RYR2: variants seen among roughly 807,000 people sequenced by gnomAD.
RYR2 encodes the protein ryanodine receptor 2.
RYR2 carries 227 observed loss-of-function variants against 601.1 expected under a neutral mutation model. That is an observed-to-expected ratio of 0.38 (90% CI 0.34 to 0.42). RYR2 has a LOEUF of 0.42. Ranked by LOEUF, RYR2 falls within the 10% of genes least tolerant of loss-of-function variation. RYR2 has a pLI of 1.00. For missense variants in RYR2, 4,646 were observed against 6,156.5 expected, an observed-to-expected ratio of 0.75 and a Z score of 8.21; for synonymous variants, 2,223 against 2,175.1, an observed-to-expected ratio of 1.02 and a Z score of -0.61.
chr1:237,543,933 T>A (rs1310192610), intron 25 of RYR2, among the ~76,000 whole-genome samples: 1 of 152,154 alleles, frequency 6.6e-6, no homozygotes, highest in Non-Finnish European at 1.5e-5. Flanking sequence ...TGTCAATTTT[T>A]TGTTTATATC....
intron 79 of RYR2, among the ~76,000 whole-genome samples, chr1:237,738,780 G>T (rs1267664214): frequency 6.6e-6 from 1 of 151,994 alleles, no homozygotes; most frequent in Non-Finnish European, 1.5e-5. Context: ...TCACCTCTGT[G>T]TTTTTGCTAA....
intron 27 of RYR2, among the ~76,000 whole-genome samples, chr1:237,563,126 G>A (rs1671617703): frequency 6.6e-6 from 1 of 152,006 alleles, no homozygotes; most frequent in Non-Finnish European, 1.5e-5. Context: ...TATACTATGG[G>A]GCAGGGCACA....
Position 237,614,785 on chromosome 1 carries a change from G to A in RYR2, c.5657G>A (p.Gly1886Asp). ...QGAGEEEAKGGKRPKEGLLQM... is the reference protein window; with the variant it reads ...QGAGEEEAKGDKRPKEGLLQM... ...GCTGGTGAGGAAGAAGCCAAGGGGG[G>A]CAAGCGGCCCAAGGAAGGCCTGCTC... Residue 1886 changes from glycine (G) to aspartate (D), a missense_variant, in exon 37 of 105, where the codon GGC (glycine) becomes GAC (aspartate). By Grantham distance (94) the Gly-to-Asp change is moderately conservative. Coordinates refer to ENST00000366574, the MANE Select transcript of RYR2 (RefSeq NM_001035.3). This position sits in a 1 kb window ranked among gnomAD's most constrained non-coding sequence, Gnocchi z 4.3. 1 of 1,609,082 alleles carries A rather than the reference G, an allele frequency of 6.2e-7. No individual in the cohort carries two copies. The highest frequency in any genetic ancestry group is 8.5e-7 in the Non-Finnish European group (1 of 1,176,582).
intron 6 of RYR2, 90 bp from the exon 7 acceptor site, chr1:237,374,627 C>A (rs988989599): frequency 6.9e-5 from 75 of 1,083,574 alleles, no homozygotes; most frequent in Admixed American, 1.0e-4. Flanking sequence ...CACTGCACTT[C>A]CAGCCTGAGC....
intron 1 of RYR2, among the ~76,000 whole-genome samples, chr1:237,082,041 G>C (rs991560418): frequency 6.6e-6 from 1 of 152,168 alleles, no homozygotes; most frequent in Non-Finnish European, 1.5e-5. Flanking sequence ...CTGTCCTAGT[G>C]ACACCCTGTG....
intron 1 of RYR2, among the ~76,000 whole-genome samples, chr1:237,114,372 C>T (rs1321387751): frequency 2.0e-5 from 3 of 152,082 alleles, no homozygotes; most frequent in Non-Finnish European, 4.4e-5. Context: ...TTTTTATTGA[C>T]AAGACATTGT....
At chr1:237,291,841 T>TA (rs1692231369) in intron 2 of RYR2, among the ~76,000 whole-genome samples, 1 of 152,170 alleles carries the variant, frequency 6.6e-6, no homozygotes, top group Non-Finnish European at 1.5e-5. Flanking sequence ...CAGTGGTGGT[T>TA]ATGTCATTAT....
At chr1:237,326,182 T>A (rs1217316527) in intron 2 of RYR2, among the ~76,000 whole-genome samples, 1 of 152,096 alleles carries the variant, frequency 6.6e-6, no homozygotes, top group East Asian at 1.9e-4. Context: ...CAAAGCCAGA[T>A]GCTGCTTTGT....
In RYR2 at chr1:237,221,927, AT is replaced by A. The variant is rs531877939; in HGVS notation, c.49-48561del. On this transcript the variant is annotated intron_variant, in intron 1 of 104. Coordinates refer to ENST00000366574, the MANE Select transcript of RYR2 (RefSeq NM_001035.3). Reference sequence around the variant, plus strand: ...ACTGAATGGCTAGTGACTATGTCCTATTTTTTTTTAAGACAGAAATATGTGA... The same window carrying A: ...ACTGAATGGCTAGTGACTATGTCCTATTTTTTTTAAGACAGAAATATGTGA... 3.3e-5 allele frequency among the ~76,000 whole-genome samples: 5 copies of A among 150,964 alleles called. No individual in the cohort carries two copies. The East Asian group carries it at 5.8e-4, about 18-fold the overall frequency.
chr1:237,104,838 G>A (rs939140783), intron 1 of RYR2, among the ~76,000 whole-genome samples: 6 of 152,212 alleles, frequency 3.9e-5, no homozygotes, highest in Non-Finnish European at 5.9e-5. Context: ...TGCGTGGCAG[G>A]CCCTCTGTAC....
At chr1:237,693,678 G>A (rs574510543) in intron 63 of RYR2, among the ~76,000 whole-genome samples, 5 of 152,092 alleles carry the variant, frequency 3.3e-5, no homozygotes, top group Admixed American at 2.6e-4. Flanking sequence ...AGTAGCTGTT[G>A]TTAAAATATT....
intron 6 of RYR2, among the ~76,000 whole-genome samples, chr1:237,373,162 G>A (rs1192023395): frequency 6.6e-6 from 1 of 152,152 alleles, no homozygotes; most frequent in Non-Finnish European, 1.5e-5. Context: ...TATATTTAAA[G>A]TCTATAAACA....
rs2148574319 is a variant in RYR2, at chr1:237,610,966, C to G, written c.4888C>G (p.Leu1630Val). Residue 1630 changes from leucine to valine, a missense_variant, in exon 36 of 105, where the codon CTT becomes GTT. Physicochemically the swap from Leu to Val is conservative, Grantham distance 32 (BLOSUM62 1). Around this residue, in one of 17 missense-constraint regions of RYR2, gnomAD observed 1,807 missense variants for 2,088.1 expected, o/e 0.87. Transcript: ENST00000366574. The surrounding 1 kb of genome is among the most constrained non-coding windows in gnomAD (Gnocchi z 4.9). ...TTTGGATCCTCTGCAGTTCATGTCT[C>G]TTCATATCCCTGAGGAAAACAGGTC... is the stretch of plus-strand genomic sequence containing the variant. ...QCLDPLQFMS[L>V]HIPEENRSVD... 2.5e-6 allele frequency: 4 copies of G among 1,612,878 alleles called. No homozygotes were observed. The highest frequency in any genetic ancestry group is 1.7e-4 in the Middle Eastern group (1 of 6,056).
At chr1:237,399,402 G>A (rs1421991007) in intron 10 of RYR2, among the ~76,000 whole-genome samples, 2 of 152,068 alleles carry the variant, frequency 1.3e-5, no homozygotes, top group African/African-American at 4.8e-5. Context: ...ATGAGAGGGA[G>A]GTGGATGTGG....
chr1:237,133,771 C>A (rs1220217558), intron 1 of RYR2, among the ~76,000 whole-genome samples: 2 of 151,786 alleles, frequency 1.3e-5, no homozygotes, highest in Non-Finnish European at 2.9e-5. Flanking sequence ...ACTAAAAATA[C>A]AAAATTAGCT....
At chr1:237,145,663 A>G (rs1221421301) in intron 1 of RYR2, among the ~76,000 whole-genome samples, 2 of 152,156 alleles carry the variant, frequency 1.3e-5, no homozygotes, top group East Asian at 3.8e-4. Context: ...TTGGATATAG[A>G]CCTACTATAC....
chr1:237,249,217 T>C (rs1163505279), intron 1 of RYR2, among the ~76,000 whole-genome samples: 1 of 152,210 alleles, frequency 6.6e-6, no homozygotes, highest in Non-Finnish European at 1.5e-5. Context: ...CCAACCCAAA[T>C]GTAGTTTTTA....
chr1:237,566,021 A>C (rs1672039516), intron 27 of RYR2, among the ~76,000 whole-genome samples: 1 of 152,162 alleles, frequency 6.6e-6, no homozygotes. Flanking sequence ...ATTTTGCATC[A>C]CATTTGAGTT....
At chr1:237,523,624 C>G (rs1572710332) in intron 24 of RYR2, among the ~76,000 whole-genome samples, 1 of 152,038 alleles carries the variant, frequency 6.6e-6, no homozygotes, top group Middle Eastern at 3.4e-3. Context: ...GTAATCCCAG[C>G]TACTAGGGAG....
Sources: gnomAD v4.1 joint callset for allele counts (sites outside exome capture counted in the v4.1 genomes callset) on GRCh38, gnomAD v4.1.1 for gene constraint, gnomAD v4.1.1 regional missense constraint, Gnocchi (gnomAD v3.1) non-coding constraint, MANE v1.5 for transcripts, NCBI Gene and HGNC (gene_info 2026-07-23, HGNC 2026-07-21) for gene names.